The following NDUFB6 variants were observed in gnomAD, a reference collection of about 807,000 sequenced individuals.
NDUFB6 encodes NADH:ubiquinone oxidoreductase subunit B6.
In NDUFB6, 23 loss-of-function variants were observed where a neutral mutation model predicts 17.5. The ratio of observed to expected loss-of-function variants is 1.31; its 90% confidence interval spans 0.94 to 1.86. The LOEUF (loss-of-function observed/expected upper bound fraction) is 1.86. NDUFB6 is among the 40% of genes most tolerant of loss of function. NDUFB6 has a pLI of 0.00. For missense variants in NDUFB6, 167 were observed against 153.8 expected, an observed-to-expected ratio of 1.09 and a Z score of -0.46; for synonymous variants, 60 against 53.5, an observed-to-expected ratio of 1.12 and a Z score of -0.53.
rs1290917867 is a variant in NDUFB6 at position 32,572,832 on chromosome 9, C to T, written c.180+49G>A. 3 of 1,478,008 alleles carry T rather than the reference C, an allele frequency of 2.0e-6. 1 individual carries two copies. The highest frequency in any genetic ancestry group is 9.0e-7 in the Non-Finnish European group (1 of 1,109,890). 91.6% of individuals were successfully genotyped at this position (1,478,008 alleles called of 1,614,324 possible). A position where few individuals can be genotyped will look rare whatever the true frequency, so the allele number is the denominator to read the frequency against. On this transcript the variant is annotated intron_variant, in intron 1 of 3. Transcript: ENST00000379847. ...AGCGGACGTTCAGTGTTCAGGCTGC[C>T]GGCAGCAGTGGGATGTGTTGGGGGG...
chr9:32,563,942 A>G (rs970980013), intron 2 of NDUFB6, among the ~76,000 whole-genome samples: 1 of 152,162 alleles, frequency 6.6e-6, no homozygotes, highest in African/African-American at 2.4e-5. Context: ...TGGCACAATA[A>G]TATGTTCCAA....
intron 2 of NDUFB6, chr9:32,566,173 T>C (rs1284381092): frequency 8.3e-6 from 6 of 724,264 alleles, no homozygotes; most frequent in East Asian, 7.4e-5. Context: ...CACAGGCCAC[T>C]TCCTCTTCAA....
intron 3 of NDUFB6, among the ~76,000 whole-genome samples, chr9:32,556,751 C>A (rs1348735333): frequency 2.0e-5 from 3 of 151,194 alleles, no homozygotes; most frequent in African/African-American, 7.3e-5. Context: ...AATTGCCCAG[C>A]TGGAAAAACC....
At chr9:32,567,165 G>C (rs1346196526) in intron 2 of NDUFB6, 3 of 475,618 alleles carry the variant, frequency 6.3e-6, no homozygotes, top group Admixed American at 4.7e-5. Flanking sequence ...CGCAGGCAGT[G>C]GCACCCGCTG....
intron 2 of NDUFB6, chr9:32,566,862 G>A (rs1398016516): frequency 4.3e-6 from 3 of 699,538 alleles, no homozygotes; most frequent in East Asian, 3.2e-5. Context: ...GGGCGGCCTG[G>A]ATGAGCCACG....
Position 32,572,908 on chromosome 9 carries a change from C to G in NDUFB6, c.153G>C (p.Leu51Phe). 1 of 1,602,320 alleles carries G rather than the reference C, an allele frequency of 6.2e-7. No homozygotes were observed. Among genetic ancestry groups the G allele is most frequent in the Non-Finnish European group, 8.5e-7 (1 of 1,174,318 alleles). Reference protein sequence around the residue: ...GPMEKFWNKFLENKSPWRKMV... With the variant: ...GPMEKFWNKFFENKSPWRKMV... ...TTTTCCTCCAAGGGGATTTATTCTCCAAAAATTTATTCCAGAATTTCTCCA... is the reference window on the plus strand; with the variant it reads ...TTTTCCTCCAAGGGGATTTATTCTCGAAAAATTTATTCCAGAATTTCTCCA... The change falls in exon 1 of 4, where the codon TTG (leucine) becomes TTC (phenylalanine). Residue 51 changes from leucine to phenylalanine, a missense_variant. Leu to Phe is a conservative substitution (Grantham distance 22). Transcript: ENST00000379847.
At position 32,558,967 on chromosome 9, in the gene NDUFB6, T is replaced by C; in HGVS notation, c.274-13A>G. The C allele has an allele frequency of 6.4e-7, 1 of 1,565,734 alleles. No individual in the cohort carries two copies. Among genetic ancestry groups the C allele is most frequent in the Non-Finnish European group, 8.8e-7 (1 of 1,140,214 alleles). On this transcript the variant is annotated splice_polypyrimidine_tract_variant and intron_variant, in intron 2 of 3. Coordinates refer to ENST00000379847, the MANE Select transcript of NDUFB6 (RefSeq NM_002493.5). ...CATATGGTTTTTCCTGTAATAAAAGTTAACTCTGTGTTAATTATGGTGTTA... is the reference window on the plus strand; with the variant it reads ...CATATGGTTTTTCCTGTAATAAAAGCTAACTCTGTGTTAATTATGGTGTTA...
chr9:32,564,143 C>G (rs762520551), intron 2 of NDUFB6, among the ~76,000 whole-genome samples: 2 of 152,186 alleles, frequency 1.3e-5, no homozygotes, highest in Non-Finnish European at 2.9e-5. Context: ...AACACGCATG[C>G]ACACATCCAC....
chr9:32,567,718 C>T (rs75900711), intron 2 of NDUFB6: 1 of 339,504 alleles, frequency 2.9e-6, no homozygotes, highest in African/African-American at 2.2e-5. Flanking sequence ...AGGGGCAACA[C>T]AAATCACACC....
chr9:32,566,465 C>T (rs1821792771), intron 2 of NDUFB6: 1 of 807,716 alleles, frequency 1.2e-6, no homozygotes, highest in African/African-American at 1.7e-5. Context: ...AAGCAGCCGT[C>T]CATGTCGAAG....
chr9:32,565,255 T>G (rs1002853031), intron 2 of NDUFB6: 2 of 151,214 alleles, frequency 1.3e-5, no homozygotes, highest in Non-Finnish European at 2.9e-5. Context: ...ATCGCGCCAC[T>G]GCACTCCAGC....
intron 3 of NDUFB6, among the ~76,000 whole-genome samples, chr9:32,557,910 C>T (rs546029107): frequency 6.6e-6 from 1 of 152,274 alleles, no homozygotes; most frequent in African/African-American, 2.4e-5. Context: ...GCAAGAATCA[C>T]ACTTTTGTTA....
intron 3 of NDUFB6, among the ~76,000 whole-genome samples, chr9:32,554,447 C>T (rs990081068): frequency 1.3e-5 from 2 of 152,172 alleles, no homozygotes; most frequent in East Asian, 1.9e-4. Flanking sequence ...AAGGCATGGG[C>T]ATTGAAGCCA....
At chr9:32,559,428 C>CAG (rs1356262770) in intron 2 of NDUFB6, among the ~76,000 whole-genome samples, 2 of 152,216 alleles carry the variant, frequency 1.3e-5, no homozygotes, top group African/African-American at 4.8e-5. Context: ...CACTTCAAGG[C>CAG]AGAGTACACT....
At chr9:32,572,482 G>A (rs1051992949) in intron 1 of NDUFB6, among the ~76,000 whole-genome samples, 11 of 152,168 alleles carry the variant, frequency 7.2e-5, no homozygotes, top group South Asian at 2.1e-4. Flanking sequence ...TGGATACTGT[G>A]TTACTTGGTC....
At chr9:32,568,114 T>A (rs1180461997) in intron 2 of NDUFB6, 1 of 167,280 alleles carries the variant, frequency 6.0e-6, no homozygotes, top group Admixed American at 6.5e-5. Context: ...GAAAATCTTC[T>A]GGGAAAGAAT....
chr9:32,566,786 G>T, intron 2 of NDUFB6: 1 of 914,208 alleles, frequency 1.1e-6, no homozygotes, highest in Non-Finnish European at 1.8e-6. Context: ...TCTGGCTGAC[G>T]TTGTACAGGA....
At chr9:32,559,107 G>A (rs1317475029) in intron 2 of NDUFB6, among the ~76,000 whole-genome samples, 153 bp from the exon 3 acceptor site, 1 of 152,100 alleles carries the variant, frequency 6.6e-6, no homozygotes, top group Admixed American at 6.6e-5. Flanking sequence ...TCTCTACTTA[G>A]CTATCAAACA....
In NDUFB6 at chr9:32,572,959, C is replaced by G. The variant is rs151243600; in HGVS notation, c.102G>C (p.Val34=). The G allele has an allele frequency of 3.0e-5, 49 of 1,611,322 alleles. No individual in the cohort carries two copies. Among genetic ancestry groups the G allele is most frequent in the Non-Finnish European group, 3.9e-5 (46 of 1,178,690 alleles). The change falls in exon 1 of 4, where the codon GTG becomes GTC. Residue 34 remains valine, a synonymous_variant. Coordinates refer to ENST00000379847, the MANE Select transcript of NDUFB6 (RefSeq NM_002493.5). Reference sequence around the variant, plus strand: ...TAGGCCCCATCTTCTGTGGGGGCAGCACCGGCTCCCGAGGGCTCAGCTCCT... The same window carrying G: ...TAGGCCCCATCTTCTGTGGGGGCAGGACCGGCTCCCGAGGGCTCAGCTCCT... The part of the protein sequence containing the change: ...KDQELSPREP[V]LPPQKMGPME...
Sources: gnomAD v4.1 joint callset for allele counts (sites outside exome capture counted in the v4.1 genomes callset) on GRCh38, gnomAD v4.1.1 for gene constraint, MANE v1.5 for transcripts, NCBI Gene and HGNC (gene_info 2026-07-23, HGNC 2026-07-21) for gene names.